Variants in EML4 observed in about 807,000 individuals in gnomAD.
EML4 encodes the protein echinoderm microtubule-associated protein-like 4.
A neutral mutation model predicts 129.0 loss-of-function variants in EML4; 72 were observed. The observed-to-expected ratio is 0.56, with a 90% CI of 0.46 to 0.68. The LOEUF (loss-of-function observed/expected upper bound fraction) is 0.68, where lower values mean the gene tolerates loss of function less well. Among genes scored for constraint, EML4 ranks in the 30% least tolerant of loss-of-function variants. The pLI, the probability that EML4 is intolerant of heterozygous loss-of-function variation, is 0.00. For missense variants in EML4, 1,363 were observed against 1,190.6 expected (o/e 1.14, Z -2.13); for synonymous variants, 532 against 405.0 (o/e 1.31, Z -3.77).
intron 1 of EML4, among the ~76,000 whole-genome samples, chr2:42,216,984 A>G (rs942908750): frequency 1.3e-5 from 2 of 152,256 alleles, no homozygotes; most frequent in Admixed American, 1.3e-4. Context: ...TGCAAAAGCA[A>G]CAGACAAGGA....
At chr2:42,204,275 C>T (rs762989226) in intron 1 of EML4, among the ~76,000 whole-genome samples, 3 of 152,076 alleles carry the variant, frequency 2.0e-5, no homozygotes, top group African/African-American at 7.2e-5. Context: ...AGATGACTTT[C>T]GACAAGCTAT....
intron 13 of EML4, among the ~76,000 whole-genome samples, chr2:42,299,753 G>A (rs563671965): frequency 2.2e-4 from 34 of 152,214 alleles, no homozygotes; most frequent in Non-Finnish European, 4.1e-4. Context: ...GCAGTGGTGC[G>A]ATTTCGGCTC....
chr2:42,181,339 C>T (rs978428175), intron 1 of EML4, among the ~76,000 whole-genome samples: 25 of 152,058 alleles, frequency 1.6e-4, no homozygotes, highest in African/African-American at 5.6e-4. Context: ...CACTCTATTG[C>T]CCAGACTGGA....
chr2:42,213,930 G>T (rs2104043818), intron 1 of EML4, among the ~76,000 whole-genome samples: 1 of 152,226 alleles, frequency 6.6e-6, no homozygotes, highest in Admixed American at 6.5e-5. Context: ...GAATGTATAG[G>T]ATTTTAAAAT....
intron 5 of EML4, 124 bp downstream of exon 5, chr2:42,263,430 G>T (rs1187335859): frequency 2.4e-5 from 21 of 886,708 alleles, no homozygotes; most frequent in Non-Finnish European, 3.1e-6. Context: ...TTTTGTGACA[G>T]AGTCTTGCTC....
Position 42,264,617 on chromosome 2 carries a change from A to G in EML4, c.642-89A>G, listed in dbSNP as rs192656013. 15 of 776,722 alleles carry G rather than the reference A, an allele frequency of 1.9e-5. No homozygotes were observed. The African/African-American group carries it at 2.7e-4, about 14-fold the overall frequency. 48.1% of individuals were successfully genotyped at this position (776,722 alleles called of 1,614,324 possible). On this transcript the variant is annotated intron_variant, in intron 5 of 22. Coordinates refer to ENST00000318522, the MANE Select transcript of EML4 (RefSeq NM_019063.5). ...GATTTATCTAGATTATAGCCTAAGC[A>G]TTAAAACTTTTACAGTTTCTTGAGG...
chr2:42,196,987 GAATA>G (rs1468671271), intron 1 of EML4, among the ~76,000 whole-genome samples: 3 of 152,286 alleles, frequency 2.0e-5, no homozygotes, highest in Admixed American at 1.3e-4. Context: ...TAGGCCCATA[GAATA>G]AATACAGTAG....
chr2:42,296,561 T>A (rs148855393), intron 13 of EML4, among the ~76,000 whole-genome samples: 102 of 152,258 alleles, frequency 6.7e-4, no homozygotes, highest in African/African-American at 2.3e-3. Flanking sequence ...GAATCCCTGT[T>A]CGTGTGCTCA....
intron 16 of EML4, 22 bp from the exon 17 acceptor site, chr2:42,304,462 C>T (rs776775616): frequency 1.2e-6 from 2 of 1,609,248 alleles, no homozygotes; most frequent in East Asian, 2.2e-5. Flanking sequence ...TACTCCCCAA[C>T]AGCTGTCTGT....
chr2:42,332,393 T>G lies in EML4; in HGVS notation c.*2186T>G, dbSNP rs2103860377. 1 of 209,234 alleles carries G rather than the reference T, an allele frequency of 4.8e-6. No homozygotes were observed. The highest frequency in any genetic ancestry group is 7.2e-5 in the East Asian group (1 of 13,886). 13.0% of individuals were successfully genotyped at this position (209,234 alleles called of 1,614,324 possible). ...TAATGGTTGGAAGTGGGTGGGGTTA[T>G]GAAATTGTAGATGTTTTTAGAAAAA... On this transcript the variant is annotated 3_prime_UTR_variant, in exon 23 of 23. Transcript: ENST00000318522.
chr2:42,183,853 G>A (rs991645945), intron 1 of EML4, among the ~76,000 whole-genome samples: 3 of 151,960 alleles, frequency 2.0e-5, no homozygotes, highest in Non-Finnish European at 4.4e-5. Context: ...CCTACATCCA[G>A]TCACTAGAGA....
intron 1 of EML4, among the ~76,000 whole-genome samples, chr2:42,217,010 A>G (rs1200394440): frequency 6.6e-6 from 1 of 152,198 alleles, no homozygotes; most frequent in Non-Finnish European, 1.5e-5. Context: ...GAAAAAAAAT[A>G]TACAGTTTTC....
chr2:42,258,014 T>C (rs2104365879), intron 3 of EML4, among the ~76,000 whole-genome samples: 1 of 152,336 alleles, frequency 6.6e-6, no homozygotes, highest in East Asian at 1.9e-4. Context: ...AATTTCCGTG[T>C]TGTATCCAGT....
intron 1 of EML4, among the ~76,000 whole-genome samples, chr2:42,206,172 T>A (rs1672528404): frequency 1.3e-5 from 2 of 152,194 alleles, no homozygotes. Flanking sequence ...TCCCCCCCTC[T>A]GGTCCAATCC....
At chr2:42,266,798 A>C (rs963990649) in intron 6 of EML4, among the ~76,000 whole-genome samples, 17 of 151,904 alleles carry the variant, frequency 1.1e-4, no homozygotes, top group Admixed American at 1.1e-3. Flanking sequence ...GTGGTTTTCT[A>C]CTCTAAATAT....
chr2:42,263,636 C>T (rs1665874118), intron 5 of EML4, among the ~76,000 whole-genome samples: 3 of 151,906 alleles, frequency 2.0e-5, no homozygotes, highest in Admixed American at 1.3e-4. Flanking sequence ...ATCTCTTGAC[C>T]TCATGATCTG....
At chr2:42,286,834 C>G (rs142979206) in intron 10 of EML4, among the ~76,000 whole-genome samples, 22 of 152,258 alleles carry the variant, frequency 1.4e-4, no homozygotes, top group African/African-American at 5.3e-4. Context: ...ACAATCAGAC[C>G]TTTGTATTTC....
chr2:42,254,363 A>G (rs1171514145), intron 2 of EML4, among the ~76,000 whole-genome samples: 2 of 151,860 alleles, frequency 1.3e-5, no homozygotes, highest in Non-Finnish European at 2.9e-5. Context: ...AGGCTGAGGT[A>G]GACAGATGGA....
intron 13 of EML4, among the ~76,000 whole-genome samples, chr2:42,300,336 A>G (rs931734685): frequency 1.3e-5 from 2 of 152,226 alleles, no homozygotes; most frequent in African/African-American, 4.8e-5. Flanking sequence ...ATTTATGAAT[A>G]CCAAAGAAAA....
Sources: allele counts gnomAD v4.1 joint callset (sites outside exome capture counted in the v4.1 genomes callset), GRCh38; gene constraint gnomAD v4.1.1; transcripts MANE v1.5; gene names NCBI Gene and HGNC (gene_info 2026-07-23, HGNC 2026-07-21).